NRG3: variants seen among roughly 807,000 people sequenced by gnomAD.
The protein encoded by NRG3 is neuregulin 3.
A neutral mutation model predicts 66.9 loss-of-function variants in NRG3; 31 were observed. The ratio of observed to expected loss-of-function variants is 0.46; its 90% CI spans 0.35 to 0.63. The LOEUF (loss-of-function observed/expected upper bound fraction) is 0.63. NRG3 is among the 20% of genes least tolerant of loss of function. The pLI, the probability that NRG3 is intolerant of heterozygous loss-of-function variation, is 0.00. For missense variants in NRG3, 910 were observed against 878.9 expected (o/e 1.04, Z -0.45); for synonymous variants, 393 against 359.4 (o/e 1.09, Z -1.06).
chr10:82,868,855 A>G (rs1163281823), intron 4 of NRG3, among the ~76,000 whole-genome samples: 5 of 151,970 alleles, frequency 3.3e-5, no homozygotes, highest in African/African-American at 1.2e-4. Context: ...ACCACGCTCA[A>G]CTAATTTTTG....
chr10:82,710,254 G>C (rs17100605), intron 2 of NRG3, among the ~76,000 whole-genome samples: 1,647 of 152,212 alleles, frequency 0.011, 29 homozygotes, highest in African/African-American at 0.038. Context: ...AATTGTTGCA[G>C]TGTTTAATCA....
At chr10:82,581,051 T>C (rs1398326132) in intron 2 of NRG3, among the ~76,000 whole-genome samples, 2 of 151,988 alleles carry the variant, frequency 1.3e-5, no homozygotes, top group African/African-American at 4.8e-5. Flanking sequence ...GGTTGTACCA[T>C]TTACATTCCC....
At chr10:82,385,973 CAG>C (rs781781019) in intron 2 of NRG3, among the ~76,000 whole-genome samples, 32 of 152,000 alleles carry the variant, frequency 2.1e-4, no homozygotes, top group South Asian at 6.2e-4. Context: ...AAAAATAAAA[CAG>C]ATAAATATAG....
chr10:82,576,215 T>C (rs931743971), intron 2 of NRG3, among the ~76,000 whole-genome samples: 2 of 151,710 alleles, frequency 1.3e-5, no homozygotes, highest in African/African-American at 2.4e-5. Context: ...TCTCTTTTGC[T>C]GGATGTTTTT....
At chr10:82,680,803 TCA>T in intron 2 of NRG3, among the ~76,000 whole-genome samples, 1 of 152,348 alleles carries the variant, frequency 6.6e-6, no homozygotes, top group East Asian at 1.9e-4. Context: ...TCAGTGGAAT[TCA>T]ATTTGAAAGC....
intron 2 of NRG3, among the ~76,000 whole-genome samples, chr10:82,712,403 C>T (rs768604078): frequency 4.1e-4 from 63 of 152,180 alleles, no homozygotes; most frequent in Non-Finnish European, 6.9e-4. Flanking sequence ...AATATTTTCA[C>T]ATTATGTAAT....
chr10:82,217,275 T>C (rs533520594), intron 1 of NRG3, among the ~76,000 whole-genome samples: 2 of 152,266 alleles, frequency 1.3e-5, no homozygotes, highest in African/African-American at 4.8e-5. Context: ...AGCTGGTAGT[T>C]AGTGTGGAGT....
At chr10:82,679,427 A>G (rs1439579274) in intron 2 of NRG3, among the ~76,000 whole-genome samples, 2 of 152,198 alleles carry the variant, frequency 1.3e-5, no homozygotes, top group African/African-American at 2.4e-5. Flanking sequence ...AATTTCTGGT[A>G]TCTAAATAAA....
At chr10:82,723,196 C>G (rs2057404306) in intron 2 of NRG3, among the ~76,000 whole-genome samples, 1 of 152,114 alleles carries the variant, frequency 6.6e-6, no homozygotes, top group South Asian at 2.1e-4. Flanking sequence ...AGGCCATTAT[C>G]CTAAGCAAAT....
At position 82,102,086 on chromosome 10, in the gene NRG3, GTGTATTCATATATATATA is replaced by G. The variant is rs1373770114; in HGVS notation, c.823+225927_823+225944del. ...TATATGTGTGTATACATATATATAT[GTGTATTCATATATATATA>G]TGTGTATTCATATATATATATGTGT... On this transcript the variant is annotated intron_variant, in intron 1 of 8. Coordinates refer to ENST00000372141, the MANE Select transcript of NRG3 (RefSeq NM_001010848.4). Among the ~76,000 whole-genome samples, 226 of 116,542 alleles carry G rather than the reference GTGTATTCATATATATATA, an allele frequency of 1.9e-3. 14 individuals carry two copies. The East Asian group carries it at 0.065, about 33-fold the overall frequency. The allele number at this position is 116,542 out of a possible 152,430, so 76.5% of individuals were successfully genotyped here. A position where few individuals can be genotyped will look rare whatever the true frequency, so the allele number is the denominator to read the frequency against.
chr10:82,306,360 C>T (rs575978208), intron 1 of NRG3, among the ~76,000 whole-genome samples: 102 of 152,170 alleles, frequency 6.7e-4, no homozygotes, highest in Non-Finnish European at 1.3e-3. Flanking sequence ...AAAAAGTGTT[C>T]TTTTATAGTC....
intron 3 of NRG3, among the ~76,000 whole-genome samples, chr10:82,855,073 G>A (rs1169264464): frequency 6.6e-6 from 1 of 152,148 alleles, no homozygotes; most frequent in African/African-American, 2.4e-5. Flanking sequence ...TGTTATCCAT[G>A]ACGGGAAGTG....
intron 1 of NRG3, among the ~76,000 whole-genome samples, chr10:82,215,677 A>AT (rs200173071): frequency 6.6e-6 from 1 of 152,168 alleles, no homozygotes; most frequent in African/African-American, 2.4e-5. Context: ...CTTGTATCAC[A>AT]CAGGCAGACT....
intron 4 of NRG3, among the ~76,000 whole-genome samples, chr10:82,876,861 T>A (rs568224997): frequency 2.0e-5 from 3 of 151,820 alleles, no homozygotes; most frequent in Non-Finnish European, 2.9e-5. Context: ...CCGTCTCTAA[T>A]AAAAATACAA....
intron 1 of NRG3, among the ~76,000 whole-genome samples, chr10:82,137,432 C>T (rs953594709): frequency 2.0e-5 from 3 of 152,106 alleles, no homozygotes; most frequent in Non-Finnish European, 4.4e-5. Context: ...TAAATGGAAA[C>T]ACAGCTCCAG....
chr10:81,952,542 T>C (rs1849468806), intron 1 of NRG3, among the ~76,000 whole-genome samples: 1 of 152,086 alleles, frequency 6.6e-6, no homozygotes, highest in South Asian at 2.1e-4. Flanking sequence ...TTGTTTCAGA[T>C]AACTGGTCAC....
chr10:82,221,108 A>T (rs1564678414), intron 1 of NRG3, among the ~76,000 whole-genome samples: 1 of 152,224 alleles, frequency 6.6e-6, no homozygotes, highest in Admixed American at 6.5e-5. Context: ...TTCTGGTCTC[A>T]GACTTGTGCT....
chr10:82,645,973 A>G (rs1401941413), intron 2 of NRG3, among the ~76,000 whole-genome samples: 2 of 152,294 alleles, frequency 1.3e-5, no homozygotes, highest in South Asian at 2.1e-4. Flanking sequence ...TACAATTTCT[A>G]TAGAGTCAGG....
chr10:82,766,230 G>A (rs969110973), intron 3 of NRG3, among the ~76,000 whole-genome samples: 1 of 152,136 alleles, frequency 6.6e-6, no homozygotes, highest in Non-Finnish European at 1.5e-5. Context: ...ATGTACGAAA[G>A]TAAACAGCAG....
Sources: allele counts gnomAD v4.1 joint callset (sites outside exome capture counted in the v4.1 genomes callset), GRCh38; gene constraint gnomAD v4.1.1; transcripts MANE v1.5; gene names NCBI Gene and HGNC (gene_info 2026-07-23, HGNC 2026-07-21).